The following SCN11A variants were observed in gnomAD, a reference collection of about 807,000 sequenced individuals.
SCN11A encodes sodium channel protein type 11 subunit alpha.
Under a neutral mutation model 162.2 loss-of-function variants are expected in SCN11A, and 122 were observed. The observed-to-expected ratio is 0.75, with a 90% CI of 0.65 to 0.87. SCN11A has a LOEUF of 0.87. SCN11A is among the 40% of genes least tolerant of loss of function. SCN11A has a pLI of 0.00. For missense variants in SCN11A, 2,015 were observed against 2,181.6 expected (o/e 0.92, Z 1.52); for synonymous variants, 758 against 751.5 (o/e 1.01, Z -0.14).
At chr3:38,989,743 T>C (rs957661564) in intron 2 of SCN11A, among the ~76,000 whole-genome samples, 3 of 152,200 alleles carry the variant, frequency 2.0e-5, no homozygotes, top group African/African-American at 7.2e-5. Context: ...TAATTCCACA[T>C]AGTGGAACTG....
intron 1 of SCN11A, among the ~76,000 whole-genome samples, chr3:39,036,479 G>GACAA (rs1172696977): frequency 6.6e-6 from 1 of 152,110 alleles, no homozygotes; most frequent in Non-Finnish European, 1.5e-5. Flanking sequence ...CAAAAGCACA[G>GACAA]ACAATCAAAG....
At chr3:38,889,528 G>C (rs936204248) in intron 19 of SCN11A, among the ~76,000 whole-genome samples, 1 of 152,012 alleles carries the variant, frequency 6.6e-6, no homozygotes, top group East Asian at 1.9e-4. Context: ...GGCCGGGCGC[G>C]GTGGCTCACG....
chr3:39,049,406 G>A (rs1489730355), intron 1 of SCN11A, among the ~76,000 whole-genome samples: 1 of 152,274 alleles, frequency 6.6e-6, no homozygotes, highest in Non-Finnish European at 1.5e-5. Context: ...AAAGCACTGA[G>A]TAATTCCCTA....
intron 1 of SCN11A, among the ~76,000 whole-genome samples, chr3:39,049,091 T>C (rs1265950157): frequency 6.6e-6 from 1 of 152,232 alleles, no homozygotes; most frequent in African/African-American, 2.4e-5. Context: ...TTTTAAACCA[T>C]TGCATTTTGC....
chr3:38,850,100 C>T (rs2064750007), intron 29 of SCN11A: 1 of 172,388 alleles, frequency 5.8e-6, no homozygotes, highest in Non-Finnish European at 1.2e-5. Flanking sequence ...GGCAGTAAAT[C>T]CTTAAAACTA....
chr3:38,887,592 TAAAATAAA>T (rs2065424188), intron 19 of SCN11A, among the ~76,000 whole-genome samples: 1 of 151,640 alleles, frequency 6.6e-6, no homozygotes. Context: ...ATAATAATGA[TAAAATAAA>T]AAAATAAAAA....
rs746039979 is a variant in SCN11A, at chr3:38,847,517, C to A, written c.4553G>T (p.Trp1518Leu). Residue 1518 changes from tryptophan (W) to leucine (L), a missense_variant, in exon 30 of 30, where the codon TGG (tryptophan) becomes TTG (leucine). Coordinates refer to ENST00000302328, the MANE Select transcript of SCN11A (RefSeq NM_001349253.2). ...AGACTCTGGATTCACTTTGGAAAAC[C>A]AGTTCATACCCAGAATGGCATAGAT... ...MFIYAILGMN[W>L]FSKVNPESGI... 1.2e-6 allele frequency: 2 copies of A among 1,614,108 alleles called. No homozygotes were observed. The highest frequency in any genetic ancestry group is 2.2e-5 in the South Asian group (2 of 91,070).
chr3:38,981,295 G>A (rs758737434), intron 2 of SCN11A, among the ~76,000 whole-genome samples: 3 of 152,182 alleles, frequency 2.0e-5, no homozygotes, highest in Non-Finnish European at 1.5e-5. Flanking sequence ...ATCCAGGAAT[G>A]TCACTTCCTG....
intron 2 of SCN11A, among the ~76,000 whole-genome samples, chr3:38,965,071 A>T (rs963247264): frequency 1.3e-5 from 2 of 152,190 alleles, no homozygotes; most frequent in Non-Finnish European, 2.9e-5. Flanking sequence ...ACTGGCTGTG[A>T]CTGATTCTTC....
At chr3:39,004,803 C>T (rs567465337) in intron 2 of SCN11A, among the ~76,000 whole-genome samples, 2,127 of 151,744 alleles carry the variant, frequency 0.014, 17 homozygotes, top group Non-Finnish European at 0.018. Context: ...CGATTTTTTT[C>T]TTTCCACTCT....
chr3:38,920,231 AC>A (rs2066025204), intron 10 of SCN11A, among the ~76,000 whole-genome samples: 1 of 150,622 alleles, frequency 6.6e-6, no homozygotes, highest in African/African-American at 2.5e-5. Context: ...TGACATCACC[AC>A]CACCACTTTG....
chr3:39,025,600 T>C (rs1179675835), intron 2 of SCN11A, among the ~76,000 whole-genome samples: 2 of 152,158 alleles, frequency 1.3e-5, no homozygotes, highest in African/African-American at 2.4e-5. Context: ...GTCATGGCGC[T>C]GGTGGGAGTG....
intron 22 of SCN11A, among the ~76,000 whole-genome samples, chr3:38,880,915 A>G (rs2065298533): frequency 6.6e-6 from 1 of 152,190 alleles, no homozygotes; most frequent in Non-Finnish European, 1.5e-5. Context: ...TGAGAATGAA[A>G]GAAAGGAAGA....
At position 38,880,199 on chromosome 3, in the gene SCN11A, T is replaced by A; in HGVS notation, c.3220-76A>T. On this transcript the variant is annotated intron_variant, in intron 22 of 29. Coordinates refer to ENST00000302328, the MANE Select transcript of SCN11A (RefSeq NM_001349253.2). ...TCCTTGGTAACTTTACTTTTTGTTT[T>A]TCTTCCTTATATGAATAAAAACTGG... The A allele has an allele frequency of 2.8e-6, 3 of 1,077,674 alleles. No homozygotes were observed. The South Asian group carries it at 4.8e-5, about 17-fold the overall frequency. The allele number at this position is 1,077,674 out of a possible 1,614,324, so 66.8% of individuals were successfully genotyped here.
At chr3:38,924,206 C>A (rs571609503) in intron 9 of SCN11A, among the ~76,000 whole-genome samples, 3 of 152,138 alleles carry the variant, frequency 2.0e-5, no homozygotes, top group African/African-American at 7.2e-5. Flanking sequence ...CCTCCCTGTG[C>A]CTACAAGACT....
Position 38,863,230 on chromosome 3 carries a change from A to T in SCN11A, c.4021T>A (p.Ser1341Thr), listed in dbSNP as rs1216400063. 16 of 1,607,532 alleles carry T rather than the reference A, an allele frequency of 1.0e-5. No individual in the cohort carries two copies. Among genetic ancestry groups the T allele is most frequent in the Non-Finnish European group, 1.4e-5 (16 of 1,174,492 alleles). ...GGAATGGGTTTTTGAGGTTTTTTGG[A>T]TCCTAATTTTTTCATTGCATTATAG... Reference protein sequence around the residue: ...KYYNAMKKLGSKKPQKPIPRP... With the variant: ...KYYNAMKKLGTKKPQKPIPRP... Residue 1341 changes from serine (S) to threonine (T), a missense_variant, in exon 28 of 30, where the codon TCC becomes ACC. By Grantham distance (58) the Ser-to-Thr change is moderately conservative. Coordinates refer to ENST00000302328, the MANE Select transcript of SCN11A (RefSeq NM_001349253.2).
intron 2 of SCN11A, among the ~76,000 whole-genome samples, chr3:39,004,904 T>C (rs543095334): frequency 6.6e-6 from 1 of 152,174 alleles, no homozygotes; most frequent in East Asian, 1.9e-4. Flanking sequence ...CACCGAATTG[T>C]AGAAGGAAGG....
At chr3:38,942,850 A>C (rs2066461226) in intron 7 of SCN11A, among the ~76,000 whole-genome samples, 1 of 152,230 alleles carries the variant, frequency 6.6e-6, no homozygotes, top group African/African-American at 2.4e-5. Flanking sequence ...AAAGACTTTG[A>C]AACTTTCATA....
In SCN11A at chr3:38,883,229, T is replaced by C; in HGVS notation, c.3219+4A>G. 6.2e-7 allele frequency: 1 copy of C among 1,611,036 alleles called. No homozygotes were observed. Among genetic ancestry groups the C allele is most frequent in the South Asian group, 1.1e-5 (1 of 90,472 alleles). On this transcript the variant is annotated splice_donor_region_variant and intron_variant, in intron 22 of 29. Transcript: ENST00000302328. ...AATGTCTCCACAAGACAATGATGAT[T>C]TACCAGTGCCCCACTGCTCAGCAGA... is the stretch of plus-strand genomic sequence containing the variant.
Sources: gnomAD v4.1 joint callset for allele counts (sites outside exome capture counted in the v4.1 genomes callset) on GRCh38, gnomAD v4.1.1 for gene constraint, MANE v1.5 for transcripts, NCBI Gene and HGNC (gene_info 2026-07-23, HGNC 2026-07-21) for gene names.